Variants in TBC1D5 observed in about 807,000 individuals in gnomAD.
TBC1D5 encodes the protein TBC1 domain family, member 5.
Under a neutral mutation model 100.3 loss-of-function variants are expected in TBC1D5, and 75 were observed. The ratio of observed to expected loss-of-function variants is 0.75; its 90% CI spans 0.62 to 0.91. The LOEUF (loss-of-function observed/expected upper bound fraction) is 0.91, where lower values mean the gene tolerates loss of function less well. Among genes scored for constraint, TBC1D5 ranks in the 40% least tolerant of loss-of-function variants. TBC1D5 has a pLI of 0.00. For missense variants in TBC1D5, 910 were observed against 942.4 expected (o/e 0.97, Z 0.45); for synonymous variants, 323 against 325.6 (o/e 0.99, Z 0.09).
At position 17,498,962 on chromosome 3, in the gene TBC1D5, G is replaced by A. The variant is rs116069733; in HGVS notation, c.97+9512C>T. Among the ~76,000 whole-genome samples, 521 of 152,228 alleles carry A rather than the reference G, an allele frequency of 3.4e-3. 3 individuals carry two copies. Among genetic ancestry groups the A allele is most frequent in the African/African-American group, 0.012 (506 of 41,528 alleles). ...GGATAATTTTAAGACATGAACTTGA[G>A]ATAAATAGGTCTTTGGGGACCTCTA... On this transcript the variant is annotated intron_variant, in intron 3 of 21. Transcript: ENST00000253692.
chr3:17,514,866 G>C (rs2095962980), intron 2 of TBC1D5, among the ~76,000 whole-genome samples: 1 of 151,936 alleles, frequency 6.6e-6, no homozygotes, highest in Admixed American at 6.5e-5. Flanking sequence ...GCTTGGCCTA[G>C]TGAGCAAAAC....
chr3:17,300,346 A>G (rs115402704), intron 14 of TBC1D5, among the ~76,000 whole-genome samples: 1,568 of 152,318 alleles, frequency 0.01, 25 homozygotes, highest in African/African-American at 0.036. Flanking sequence ...CTGTTAAGCA[A>G]TGCTTTTCCA....
chr3:17,218,798 T>C (rs1206224348), intron 17 of TBC1D5, among the ~76,000 whole-genome samples: 1 of 152,046 alleles, frequency 6.6e-6, no homozygotes, highest in Non-Finnish European at 1.5e-5. Context: ...AACTCTTGTA[T>C]ATCATGAGCT....
chr3:17,485,539 T>C (rs917680151), intron 3 of TBC1D5, among the ~76,000 whole-genome samples: 2 of 136,176 alleles, frequency 1.5e-5, no homozygotes, highest in African/African-American at 2.7e-5. Context: ...CCCCTTCCTG[T>C]GTCCATGTGT....
intron 3 of TBC1D5, among the ~76,000 whole-genome samples, chr3:17,435,935 A>G (rs958105454): frequency 6.6e-6 from 1 of 152,230 alleles, no homozygotes; most frequent in African/African-American, 2.4e-5. Context: ...AAGCGTGGCT[A>G]AATGTTAAAG....
intron 17 of TBC1D5, among the ~76,000 whole-genome samples, chr3:17,229,335 C>T (rs2075212504): frequency 1.3e-5 from 2 of 152,126 alleles, no homozygotes; most frequent in Non-Finnish European, 2.9e-5. Flanking sequence ...TAATGAAAGA[C>T]ATGCATCTTG....
At chr3:17,176,217 C>A (rs1347855934) in intron 19 of TBC1D5, among the ~76,000 whole-genome samples, 4 of 152,198 alleles carry the variant, frequency 2.6e-5, no homozygotes, top group African/African-American at 7.2e-5. Flanking sequence ...TCTCTCTCAA[C>A]TTGCAGACTT....
In TBC1D5 at chr3:17,178,286, C is replaced by T. The variant is rs556942667; in HGVS notation, c.1852+6823G>A. On this transcript the variant is annotated intron_variant, in intron 19 of 21. Coordinates refer to ENST00000253692, the Ensembl canonical transcript of TBC1D5. ...TTCACCATGTTAGCCAGGATGGTCT[C>T]GATCTCCTGACCTCGTGATCCACCC... 1.9e-4 allele frequency among the ~76,000 whole-genome samples: 29 copies of T among 152,104 alleles called. No individual in the cohort carries two copies. The East Asian group carries it at 4.5e-3, about 23-fold the overall frequency.
chr3:17,386,163 T>C (rs1174089831), intron 8 of TBC1D5, among the ~76,000 whole-genome samples: 1 of 152,016 alleles, frequency 6.6e-6, no homozygotes, highest in Non-Finnish European at 1.5e-5. Flanking sequence ...TTTCTCTCCT[T>C]CTCATTATAT....
At chr3:17,378,064 A>G (rs1444402074) in intron 9 of TBC1D5, among the ~76,000 whole-genome samples, 1 of 151,898 alleles carries the variant, frequency 6.6e-6, no homozygotes, top group Non-Finnish European at 1.5e-5. Flanking sequence ...AATTTTAATC[A>G]TTAAAATAAT....
chr3:17,375,726 A>G (rs964813403), intron 10 of TBC1D5, among the ~76,000 whole-genome samples: 1 of 152,190 alleles, frequency 6.6e-6, no homozygotes, highest in Admixed American at 6.5e-5. Flanking sequence ...TGAAAATACT[A>G]ATCTATAAAC....
exon 7 of TBC1D5, chr3:17,404,748 C>G: frequency 6.2e-7 from 1 of 1,608,222 alleles, no homozygotes; most frequent in South Asian, 1.1e-5. Context: ...GGCCAACAAC[C>G]TTCCTCGGGT....
intron 1 of TBC1D5, among the ~76,000 whole-genome samples, chr3:17,644,368 C>T (rs918639709): frequency 3.3e-5 from 5 of 152,102 alleles, no homozygotes; most frequent in Non-Finnish European, 7.4e-5. Flanking sequence ...CCAGAATACA[C>T]GGAATTATTT....
intron 14 of TBC1D5, among the ~76,000 whole-genome samples, chr3:17,305,554 A>T (rs2083314672): frequency 6.6e-6 from 1 of 152,194 alleles, no homozygotes; most frequent in Admixed American, 6.5e-5. Context: ...TTAAATCTGT[A>T]GCCTTGACAC....
intron 18 of TBC1D5, among the ~76,000 whole-genome samples, chr3:17,186,672 T>G (rs1462690488): frequency 8.9e-6 from 1 of 112,868 alleles, no homozygotes; most frequent in Non-Finnish European, 1.6e-5. Flanking sequence ...ATCATGCCAC[T>G]GCACTCCAGC....
intron 2 of TBC1D5, among the ~76,000 whole-genome samples, chr3:17,599,945 T>A (rs1290526388): frequency 6.6e-6 from 1 of 152,222 alleles, no homozygotes; most frequent in Non-Finnish European, 1.5e-5. Context: ...CCTACCTCAG[T>A]ATCTTGCACC....
rs1321024486 is a variant in TBC1D5 at position 17,690,458 on chromosome 3, C to T, written c.-101+48885G>A. Among the ~76,000 whole-genome samples the T allele has an allele frequency of 1.0e-3, 31 of 30,672 alleles. 10 individuals carry two copies. The highest frequency in any genetic ancestry group is 2.8e-3 in the African/African-American group (29 of 10,404). 20.1% of individuals were successfully genotyped at this position (30,672 alleles called of 152,430 possible). A position where few individuals can be genotyped will look rare whatever the true frequency, so the allele number is the denominator to read the frequency against. On this transcript the variant is annotated intron_variant, in intron 1 of 21. Coordinates refer to ENST00000253692, the Ensembl canonical transcript of TBC1D5. ...GTCTCGATCTCCTGACCTCGTGATC[C>T]GCCCGCCTCGGCCTCCCAAAGTGCT...
intron 3 of TBC1D5, among the ~76,000 whole-genome samples, chr3:17,469,295 C>G (rs1228426897): frequency 2.6e-5 from 4 of 152,014 alleles, no homozygotes; most frequent in African/African-American, 7.2e-5. Context: ...ACTGAGGGAG[C>G]CAGAATAATC....
intron 2 of TBC1D5, among the ~76,000 whole-genome samples, chr3:17,543,865 T>TG (rs2153428832): frequency 6.6e-6 from 1 of 151,772 alleles, no homozygotes; most frequent in African/African-American, 2.4e-5. Context: ...AAAAGTTGTT[T>TG]GTTTTTTTTT....
Sources: gnomAD v4.1 joint callset for allele counts (sites outside exome capture counted in the v4.1 genomes callset) on GRCh38, gnomAD v4.1.1 for gene constraint, MANE v1.5 for transcripts, NCBI Gene and HGNC (gene_info 2026-07-23, HGNC 2026-07-21) for gene names.